The following RAPH1 variants were observed in gnomAD, a reference collection of about 807,000 sequenced individuals.
RAPH1 encodes the protein Ras association (RalGDS/AF-6) and pleckstrin homology domains 1, also known as ras-associated and pleckstrin homology domains-containing protein 1.
A neutral mutation model predicts 88.1 loss-of-function variants in RAPH1; 18 were observed. The observed-to-expected ratio is 0.20, with a 90% confidence interval of 0.14 to 0.30. The LOEUF (loss-of-function observed/expected upper bound fraction) is 0.30. RAPH1 is among the 10% of genes least tolerant of loss of function. The pLI is 1.00. For synonymous variants in RAPH1, 587 were observed against 559.0 expected, an observed-to-expected ratio of 1.05 and a Z score of -0.71; for missense variants, 1,448 against 1,543.2, an observed-to-expected ratio of 0.94 and a Z score of 1.03.
intron 4 of RAPH1, among the ~76,000 whole-genome samples, chr2:203,469,654 G>A (rs2098531405): frequency 6.6e-6 from 1 of 152,208 alleles, no homozygotes; most frequent in Admixed American, 6.5e-5. Flanking sequence ...CCTAGTTAAT[G>A]ATGACAATGG....
At chr2:203,524,961 T>G (rs1427144270) in intron 1 of RAPH1, among the ~76,000 whole-genome samples, 1 of 152,184 alleles carries the variant, frequency 6.6e-6, no homozygotes, top group Non-Finnish European at 1.5e-5. Context: ...TATATGCAAT[T>G]TTCTGATTAT....
intron 1 of RAPH1, among the ~76,000 whole-genome samples, chr2:203,504,216 C>T (rs1032414754): frequency 2.0e-5 from 3 of 152,234 alleles, no homozygotes; most frequent in Non-Finnish European, 4.4e-5. Flanking sequence ...TCCGCACTGT[C>T]CCAGGAGAGG....
Position 203,440,562 on chromosome 2 carries a change from A to G in RAPH1, c.2628T>C (p.Pro876=). 6.5e-7 allele frequency: 1 copy of G among 1,537,546 alleles called. No homozygotes were observed. Residue 876 remains proline, a synonymous_variant, in exon 14 of 14, where the codon CCT becomes CCC. Transcript: ENST00000319170. ...ASQFPPPPTP[P]AMESQPLKPV... ...GCTTTAAGGGCTGAGATTCCATGGCAGGGGGAGTTGGAGGGGGTGGAAACT... is the reference window on the plus strand; with the variant it reads ...GCTTTAAGGGCTGAGATTCCATGGCGGGGGGAGTTGGAGGGGGTGGAAACT...
At chr2:203,488,097 C>T (rs962176802) in intron 4 of RAPH1, among the ~76,000 whole-genome samples, 2 of 152,150 alleles carry the variant, frequency 1.3e-5, no homozygotes, top group African/African-American at 2.4e-5. Context: ...CTTGCTGCTA[C>T]CCTATGACAG....
At chr2:203,491,385 G>GTTTGT in intron 2 of RAPH1, 66 bp from the exon 3 acceptor site, 1 of 1,140,698 alleles carries the variant, frequency 8.8e-7, no homozygotes, top group Non-Finnish European at 1.3e-6. Flanking sequence ...AAAAGATGAA[G>GTTTGT]TTTGTTTTAT....
intron 4 of RAPH1, among the ~76,000 whole-genome samples, chr2:203,472,386 C>T (rs1443649491): frequency 6.6e-6 from 1 of 152,160 alleles, no homozygotes; most frequent in Non-Finnish European, 1.5e-5. Context: ...CCCGCCTTGG[C>T]CTCCCAAAGT....
chr2:203,465,890 T>C (rs1366392866), intron 4 of RAPH1, among the ~76,000 whole-genome samples: 1 of 150,626 alleles, frequency 6.6e-6, no homozygotes, highest in Admixed American at 6.6e-5. Flanking sequence ...AAAAAAAAAG[T>C]TGACACAACG....
intron 1 of RAPH1, chr2:203,533,542 A>C (rs1335328869): frequency 2.0e-5 from 3 of 151,838 alleles, no homozygotes; most frequent in Non-Finnish European, 2.9e-5. Flanking sequence ...CCACCATGTG[A>C]AATGTCCTCC....
At chr2:203,521,527 T>C (rs186186615) in intron 1 of RAPH1, among the ~76,000 whole-genome samples, 20 of 152,300 alleles carry the variant, frequency 1.3e-4, no homozygotes, top group African/African-American at 4.1e-4. Flanking sequence ...ACATTACACC[T>C]CTTTAAAGGA....
intron 1 of RAPH1, among the ~76,000 whole-genome samples, chr2:203,534,391 GT>G (rs1690517110): frequency 6.6e-6 from 1 of 151,818 alleles, no homozygotes. Flanking sequence ...GGTTTATGCG[GT>G]TTCCAGCTCA....
intron 1 of RAPH1, among the ~76,000 whole-genome samples, chr2:203,509,392 G>A (rs1689235253): frequency 6.6e-6 from 1 of 151,978 alleles, no homozygotes; most frequent in Non-Finnish European, 1.5e-5. Context: ...TAAAAAGTTC[G>A]TTAACATCAC....
In RAPH1 at chr2:203,495,370, T is replaced by C; in HGVS notation, c.1-17A>G. The C allele has an allele frequency of 6.2e-7, 1 of 1,613,558 alleles. No homozygotes were observed. The highest frequency in any genetic ancestry group is 1.1e-5 in the South Asian group (1 of 91,044). Reference sequence around the variant, plus strand: ...CTGCTCCATCTGAAATACAGACATTTGTGTAGAATGAATAGTAAGTTACAG... The same window carrying C: ...CTGCTCCATCTGAAATACAGACATTCGTGTAGAATGAATAGTAAGTTACAG... On this transcript the variant is annotated splice_polypyrimidine_tract_variant and intron_variant, in intron 1 of 13. Transcript: ENST00000319170.
intron 10 of RAPH1, among the ~76,000 whole-genome samples, chr2:203,452,699 C>T (rs775235916): frequency 3.9e-5 from 6 of 152,164 alleles, no homozygotes; most frequent in Non-Finnish European, 7.3e-5. Context: ...CAGTAGCTCA[C>T]GCCTATAATC....
At chr2:203,511,474 A>G (rs1020145379) in intron 1 of RAPH1, among the ~76,000 whole-genome samples, 97 of 152,334 alleles carry the variant, frequency 6.4e-4, no homozygotes, top group African/African-American at 2.3e-3. Context: ...ATTTGATTCA[A>G]TAGCTGCGTT....
intron 7 of RAPH1, among the ~76,000 whole-genome samples, chr2:203,459,327 T>C (rs2098522515): frequency 6.6e-6 from 1 of 152,228 alleles, no homozygotes; most frequent in South Asian, 2.1e-4. Flanking sequence ...TCATTACTAC[T>C]TTTTATTGTG....
rs1211717609 is a variant in RAPH1 at position 203,444,897 on chromosome 2, G to C, written c.1747C>G (p.Arg583Gly). The part of the protein sequence containing the change: ...VSSVFSEAWK[R>G]GTQLEESSKA... ...CTGGACTCTTCCAACTGAGTGCCTC[G>C]TTTCCAGGCTTCAGAGAATACGGAG... Residue 583 changes from arginine to glycine, a missense_variant, in exon 13 of 14, where the codon CGA (arginine) becomes GGA (glycine). Transcript: ENST00000319170. 1.2e-6 allele frequency: 2 copies of C among 1,614,124 alleles called. No homozygotes were observed. Among genetic ancestry groups the C allele is most frequent in the Non-Finnish European group, 8.5e-7 (1 of 1,179,982 alleles).
chr2:203,439,934 G>T lies in RAPH1; in HGVS notation c.3256C>A (p.Pro1086Thr). The T allele has an allele frequency of 6.2e-7, 1 of 1,613,906 alleles. No homozygotes were observed. The highest frequency in any genetic ancestry group is 8.5e-7 in the Non-Finnish European group (1 of 1,180,008). ...PPPETELPLP[P>T]IEIPAVFSGN... The stretch of plus-strand genomic sequence containing the variant: ...GAGAAAACTGCTGGAATCTCAATGG[G>T]GGGCAGAGGAAGCTCTGTTTCAGGT... Residue 1086 changes from proline to threonine, a missense_variant, in exon 14 of 14, where the codon CCC becomes ACC. Pro to Thr is a conservative substitution (Grantham distance 38). Coordinates refer to ENST00000319170, the MANE Select transcript of RAPH1 (RefSeq NM_213589.3).
chr2:203,481,353 T>A (rs559601940), intron 4 of RAPH1, among the ~76,000 whole-genome samples: 4 of 152,116 alleles, frequency 2.6e-5, no homozygotes, highest in Non-Finnish European at 5.9e-5. Context: ...AAAAGAGGGA[T>A]AACCATGCCC....
At chr2:203,514,342 A>G (rs1273077536) in intron 1 of RAPH1, among the ~76,000 whole-genome samples, 1 of 152,148 alleles carries the variant, frequency 6.6e-6, no homozygotes, top group African/African-American at 2.4e-5. Context: ...TTCTAATTTA[A>G]TACTTTTAGG....
Sources: allele counts gnomAD v4.1 joint callset (sites outside exome capture counted in the v4.1 genomes callset), GRCh38; gene constraint gnomAD v4.1.1; transcripts MANE v1.5; gene names NCBI Gene and HGNC (gene_info 2026-07-23, HGNC 2026-07-21).